THSD4: variants seen among roughly 807,000 people sequenced by gnomAD.
The protein encoded by THSD4 is thrombospondin type-1 domain-containing protein 4.
THSD4 carries 69 observed loss-of-function variants against 119.0 expected under a neutral mutation model. The observed-to-expected ratio is 0.58, with a 90% CI of 0.48 to 0.71. The LOEUF (loss-of-function observed/expected upper bound fraction) is 0.71. Among genes scored for constraint, THSD4 ranks in the 30% least tolerant of loss-of-function variants. The pLI, the probability that THSD4 is intolerant of heterozygous loss-of-function variation, is 0.00. For synonymous variants in THSD4, 524 were observed against 540.4 expected (o/e 0.97, Z 0.42); for missense variants, 1,393 against 1,391.1 (o/e 1.00, Z -0.02).
At position 71,165,439 on chromosome 15, in the gene THSD4, A is replaced by G. The variant is rs888417255; in HGVS notation, c.99+10507A>G. The G allele has an allele frequency of 2.1e-6, 3 of 1,456,716 alleles. No individual in the cohort carries two copies. The African/African-American group carries it at 4.2e-5, about 20-fold the overall frequency. The allele number at this position is 1,456,716 out of a possible 1,614,324, so 90.2% of individuals were successfully genotyped here. ...CATGTTTAGTTATTTTTCCTCAGCGAGGCACAGAGTCGCCCAGTGCCCGTC... is the reference window on the plus strand; with the variant it reads ...CATGTTTAGTTATTTTTCCTCAGCGGGGCACAGAGTCGCCCAGTGCCCGTC... On this transcript the variant is annotated intron_variant, in intron 3 of 17. Coordinates refer to ENST00000261862, the MANE Select transcript of THSD4 (RefSeq NM_024817.3).
upstream of THSD4, chr15:71,110,826 C>T (rs929913077): frequency 3.5e-5 from 11 of 318,298 alleles, no homozygotes; most frequent in Non-Finnish European, 5.2e-5. Context: ...TTCCTTTAGT[C>T]GTTCATAGTT....
intron 7 of THSD4, among the ~76,000 whole-genome samples, chr15:71,535,979 G>C (rs2048684265): frequency 6.6e-6 from 1 of 152,068 alleles, no homozygotes; most frequent in Non-Finnish European, 1.5e-5. Context: ...TGCTTTTGGT[G>C]TTACACCTAT....
At chr15:71,520,111 A>G (rs1404503671) in intron 7 of THSD4, among the ~76,000 whole-genome samples, 1 of 152,166 alleles carries the variant, frequency 6.6e-6, no homozygotes, top group Admixed American at 6.5e-5. Flanking sequence ...GCCCCATATC[A>G]CATAGGAAAC....
rs752746011 is a variant in THSD4, at chr15:71,547,404, GTAA to G, written c.1153-113121_1153-113119del. 101 of 1,550,352 alleles carry G rather than the reference GTAA, an allele frequency of 6.5e-5. No individual in the cohort carries two copies. The African/African-American group carries it at 1.3e-3, about 20-fold the overall frequency. On this transcript the variant is annotated intron_variant, in intron 7 of 17. Coordinates refer to ENST00000261862, the MANE Select transcript of THSD4 (RefSeq NM_024817.3). ...TCCTCTAGGGTAGTTCTAACTTTGG[GTAA>G]TAATGTTTGTCAGCTACCTGATATT...
chr15:71,205,511 C>G (rs1034877946), intron 3 of THSD4, among the ~76,000 whole-genome samples: 1 of 152,128 alleles, frequency 6.6e-6, no homozygotes, highest in Admixed American at 6.5e-5. Flanking sequence ...TCTTGGTTTC[C>G]CTGGGCCTCT....
intron 7 of THSD4, among the ~76,000 whole-genome samples, chr15:71,635,009 G>A (rs574549101): frequency 5.9e-5 from 9 of 152,262 alleles, no homozygotes; most frequent in South Asian, 2.1e-4. Flanking sequence ...CATTAAGACC[G>A]TCAGATATTT....
Position 71,535,417 on chromosome 15 carries a change from T to G in THSD4, c.1152+123594T>G, listed in dbSNP as rs572605353. On this transcript the variant is annotated intron_variant, in intron 7 of 17. Coordinates refer to ENST00000261862, the MANE Select transcript of THSD4 (RefSeq NM_024817.3). ...ATTTGAGTTACGTCCATTTCGGGGG[T>G]TGGGCTATCATGAATAATGCTGCTA... Among the ~76,000 whole-genome samples the G allele has an allele frequency of 5.3e-5, 8 of 152,300 alleles. No individual in the cohort carries two copies. The East Asian group carries it at 1.5e-3, about 29-fold the overall frequency.
At chr15:71,424,248 A>C (rs1215698849) in intron 7 of THSD4, among the ~76,000 whole-genome samples, 1 of 152,162 alleles carries the variant, frequency 6.6e-6, no homozygotes, top group Non-Finnish European at 1.5e-5. Flanking sequence ...CTATTCAGCC[A>C]TCTTGCTCTG....
In THSD4 at chr15:71,411,734, C is replaced by G; in HGVS notation, c.1063C>G (p.Arg355Gly). 6.2e-7 allele frequency: 1 copy of G among 1,614,060 alleles called. No individual in the cohort carries two copies. Among genetic ancestry groups the G allele is most frequent in the South Asian group, 1.1e-5 (1 of 91,070 alleles). ...CELNCQAMGY[R>G]FYVRQAEKVI... is the part of the protein sequence containing the mutation. ...GTTGAACTGCCAGGCAATGGGCTAC[C>G]GCTTCTATGTACGGCAAGCTGAGAA... Residue 355 changes from arginine (R) to glycine (G), a missense_variant, in exon 7 of 18, where the codon CGC (arginine) becomes GGC (glycine). Transcript: ENST00000261862.
intron 1 of THSD4, among the ~76,000 whole-genome samples, chr15:71,109,732 A>G (rs1234205730): frequency 1.6e-4 from 11 of 69,992 alleles, no homozygotes; most frequent in Admixed American, 8.8e-4. Context: ...ACTAAAAGAG[A>G]AAAAAAAAAA....
chr15:71,371,332 T>G (rs8033608), intron 6 of THSD4, among the ~76,000 whole-genome samples: 149,397 of 152,152 alleles, frequency 0.98, 73,389 homozygotes, highest in Non-Finnish European at 1. Flanking sequence ...TGATGTTAGC[T>G]GGTTATTTTG....
chr15:71,692,421 G>T (rs1470390756), intron 8 of THSD4, among the ~76,000 whole-genome samples: 1 of 152,158 alleles, frequency 6.6e-6, no homozygotes, highest in Non-Finnish European at 1.5e-5. Flanking sequence ...GTACTTTATG[G>T]CAGGACATAT....
At chr15:71,441,758 G>A (rs1242270710) in intron 7 of THSD4, among the ~76,000 whole-genome samples, 2 of 152,144 alleles carry the variant, frequency 1.3e-5, no homozygotes, top group East Asian at 3.9e-4. Flanking sequence ...CCTCTCAGGA[G>A]CTGGATCTCC....
At chr15:71,254,138 A>G (rs1282077164) in intron 5 of THSD4, among the ~76,000 whole-genome samples, 3 of 152,136 alleles carry the variant, frequency 2.0e-5, no homozygotes, top group Non-Finnish European at 4.4e-5. Flanking sequence ...GCTTGGCTTT[A>G]CTTAGTTGTA....
intron 7 of THSD4, among the ~76,000 whole-genome samples, chr15:71,580,211 A>G (rs1034999523): frequency 1.6e-4 from 24 of 152,126 alleles, no homozygotes; most frequent in Non-Finnish European, 1.2e-4. Context: ...TTGAAACGCT[A>G]GAGAGATATG....
chr15:71,579,378 A>G (rs2049516588), intron 7 of THSD4, among the ~76,000 whole-genome samples: 2 of 152,202 alleles, frequency 1.3e-5, no homozygotes, highest in East Asian at 1.9e-4. Flanking sequence ...GCCTGTTCTC[A>G]TGATCATCTG....
At chr15:71,722,623 C>A (rs547246164) in intron 8 of THSD4, among the ~76,000 whole-genome samples, 4 of 152,242 alleles carry the variant, frequency 2.6e-5, no homozygotes, top group East Asian at 3.9e-4. Flanking sequence ...AAATATCTTT[C>A]ACAAGTATTT....
intron 5 of THSD4, among the ~76,000 whole-genome samples, chr15:71,255,911 A>G (rs1417724294): frequency 6.6e-6 from 1 of 152,216 alleles, no homozygotes; most frequent in Non-Finnish European, 1.5e-5. Context: ...TGCAAGGGGA[A>G]TGGCATGAAC....
chr15:71,215,933 G>T (rs956348707), intron 4 of THSD4, among the ~76,000 whole-genome samples: 1 of 152,234 alleles, frequency 6.6e-6, no homozygotes, highest in African/African-American at 2.4e-5. Flanking sequence ...CAACACATTG[G>T]TTTGAGGATA....
Sources: gnomAD v4.1 joint callset for allele counts (sites outside exome capture counted in the v4.1 genomes callset) on GRCh38, gnomAD v4.1.1 for gene constraint, MANE v1.5 for transcripts, NCBI Gene and HGNC (gene_info 2026-07-23, HGNC 2026-07-21) for gene names.